FMO2: variants seen among roughly 807,000 people sequenced by gnomAD.
FMO2 encodes flavin-containing monooxygenase 2.
FMO2 carries 33 observed loss-of-function variants against 41.6 expected under a neutral mutation model. The ratio of observed to expected loss-of-function variants is 0.79; its 90% CI spans 0.60 to 1.06. The LOEUF (loss-of-function observed/expected upper bound fraction) is 1.06. FMO2 is among the 50% of genes least tolerant of loss of function. The pLI, the probability that FMO2 is intolerant of heterozygous loss-of-function variation, is 0.00. For synonymous variants in FMO2, 214 were observed against 219.6 expected (o/e 0.97, Z 0.23); for missense variants, 619 against 632.9 (o/e 0.98, Z 0.23).
At chr1:171,199,271 C>G (rs367895504) in intron 4 of FMO2, 75 bp from the exon 5 acceptor site, 2 of 1,340,924 alleles carry the variant, frequency 1.5e-6, no homozygotes, top group Admixed American at 4.9e-5. Flanking sequence ...GAAAAGCTGG[C>G]AATGCAGTTT....
At chr1:171,206,969 T>A in intron 7 of FMO2, among the ~76,000 whole-genome samples, 1 of 152,162 alleles carries the variant, frequency 6.6e-6, no homozygotes, top group East Asian at 1.9e-4. Flanking sequence ...TAGGAGGACT[T>A]ACAGATCTCT....
At chr1:171,199,528 A>C (rs774283895) in intron 5 of FMO2, 40 bp downstream of exon 5, 7 of 1,553,638 alleles carry the variant, frequency 4.5e-6, no homozygotes, top group Non-Finnish European at 6.1e-6. Flanking sequence ...GGAGGGGAGG[A>C]AGTGGGGATG....
Position 171,204,075 on chromosome 1 carries a change from T to C in FMO2, c.827+11T>C, listed in dbSNP as rs771160126. ...TGAGCCTCAAAACAAGTAGAGTTAT[T>C]TTGCTTTTTTAATGGTATACTCGTT... is the stretch of plus-strand genomic sequence containing the variant. On this transcript the variant is annotated intron_variant, in intron 6 of 8. Transcript: ENST00000209929. 2.5e-6 allele frequency: 4 copies of C among 1,611,160 alleles called. No homozygotes were observed. The Admixed American group carries it at 6.7e-5, about 27-fold the overall frequency.
intron 7 of FMO2, among the ~76,000 whole-genome samples, chr1:171,206,432 T>C (rs1034506419): frequency 6.6e-6 from 1 of 152,158 alleles, no homozygotes; most frequent in African/African-American, 2.4e-5. Context: ...CTATTTGACA[T>C]TGCTAGAGCA....
At position 171,208,933 on chromosome 1, in the gene FMO2, G is replaced by T. The variant is rs368359446; in HGVS notation, c.1396G>T (p.Gly466Ter). The stretch of plus-strand genomic sequence containing the variant: ...TAAACTGGCTGTGAGACTCTATTTC[G>T]GACCCTGCAACTCCTATCAGTATCG... ...DPKLAVRLYF[G>*]PCNSYQYRLV... The change falls in exon 9 of 9, where the codon GGA (glycine) becomes TGA (stop). Residue 466 changes from glycine (G) to a stop codon, truncating the protein, a stop_gained. Coordinates refer to ENST00000209929, the MANE Select transcript of FMO2 (RefSeq NM_001460.5). LOFTEE classifies it low-confidence loss of function (END_TRUNC). The T allele has an allele frequency of 6.2e-7, 1 of 1,613,800 alleles. No individual in the cohort carries two copies. Among genetic ancestry groups the T allele is most frequent in the South Asian group, 1.1e-5 (1 of 91,044 alleles).
rs1658752570 is a variant in FMO2, at chr1:171,206,245, T to G, written c.1183+611T>G. On this transcript the variant is annotated intron_variant, in intron 7 of 8. Transcript: ENST00000209929. ...TTTCAACATAACATGACAAATGCTT[T>G]GATTGAATAATATATGGAGTGTTCA... 2.6e-5 allele frequency among the ~76,000 whole-genome samples: 4 copies of G among 152,276 alleles called. No homozygotes were observed. The South Asian group carries it at 8.3e-4, about 32-fold the overall frequency.
rs1658979317 is a variant in FMO2, at chr1:171,211,504, T to C, written c.*2359T>C. Among the ~76,000 whole-genome samples the C allele has an allele frequency of 6.7e-6, 1 of 149,766 alleles. No individual in the cohort carries two copies. Among genetic ancestry groups the C allele is most frequent in the Non-Finnish European group, 1.5e-5 (1 of 68,038 alleles). On this transcript the variant is annotated 3_prime_UTR_variant, in exon 9 of 9. Transcript: ENST00000209929. The stretch of plus-strand genomic sequence containing the variant: ...AAGAGATTGAAAAGCATTTGTCAGG[T>C]TAATGCTAAATCAGTGCGGAAATAT...
At chr1:171,196,906 G>A (rs1658333522) in intron 4 of FMO2, 95 bp downstream of exon 4, 1 of 1,041,000 alleles carries the variant, frequency 9.6e-7, no homozygotes, top group Non-Finnish European at 1.4e-6. Context: ...GCTGCAACTG[G>A]GCAGAACTTG....
intron 2 of FMO2, among the ~76,000 whole-genome samples, chr1:171,187,061 G>A (rs1453631810): frequency 6.6e-6 from 1 of 152,190 alleles, no homozygotes; most frequent in African/African-American, 2.4e-5. Context: ...GAAAGTGAGG[G>A]AGGTTAAGTG....
Position 171,211,933 on chromosome 1 carries a change from C to A in FMO2, c.*2788C>A, listed in dbSNP as rs16864199. On this transcript the variant is annotated 3_prime_UTR_variant, in exon 9 of 9. Transcript: ENST00000209929. ...TCCTGTGTACATTAAATCTAGAAAC[C>A]ATTAGTTTGAGATCTCTCAAAAATA... Among the ~76,000 whole-genome samples the A allele has an allele frequency of 0.014, 2,155 of 152,194 alleles. 58 individuals carry two copies. Among genetic ancestry groups the A allele is most frequent in the African/African-American group, 0.05 (2,092 of 41,524 alleles).
At chr1:171,201,781 C>G (rs1470721246) in intron 5 of FMO2, among the ~76,000 whole-genome samples, 1 of 152,168 alleles carries the variant, frequency 6.6e-6, no homozygotes, top group Admixed American at 6.6e-5. Context: ...AACTAACAAT[C>G]ATGACGGAAT....
Position 171,208,836 on chromosome 1 carries a change from T to C in FMO2, c.1299T>C (p.Val433=), listed in dbSNP as rs1245776684. The C allele has an allele frequency of 5.0e-6, 8 of 1,614,016 alleles. No homozygotes were observed. The highest frequency in any genetic ancestry group is 4.5e-5 in the East Asian group (2 of 44,874). ...SQSQTLQTNY[V]DYLDELALEI... is the part of the protein sequence containing the mutation. ...GCCAGACGTTGCAGACCAATTATGT[T>C]GACTACTTGGACGAGCTCGCCTTAG... Residue 433 remains valine (V), a synonymous_variant, in exon 9 of 9, where the codon GTT becomes GTC. Coordinates refer to ENST00000209929, the MANE Select transcript of FMO2 (RefSeq NM_001460.5).
chr1:171,208,940 G>A lies in FMO2; in HGVS notation c.1403G>A (p.Cys468Tyr). ...KLAVRLYFGPCNSYQYRLVGP... is the reference protein window; with the variant it reads ...KLAVRLYFGPYNSYQYRLVGP... ...GCTGTGAGACTCTATTTCGGACCCT[G>A]CAACTCCTATCAGTATCGCCTGGTT... The change falls in exon 9 of 9, where the codon TGC (cysteine) becomes TAC (tyrosine). Residue 468 changes from cysteine to tyrosine, a missense_variant. By Grantham distance (194) the Cys-to-Tyr change is radical. Coordinates refer to ENST00000209929, the MANE Select transcript of FMO2 (RefSeq NM_001460.5). 1 of 1,613,780 alleles carries A rather than the reference G, an allele frequency of 6.2e-7. No homozygotes were observed. The highest frequency in any genetic ancestry group is 1.1e-5 in the South Asian group (1 of 91,054).
intron 3 of FMO2, among the ~76,000 whole-genome samples, chr1:171,195,970 A>G (rs1377271569): frequency 6.6e-6 from 1 of 152,236 alleles, no homozygotes; most frequent in Admixed American, 6.5e-5. Context: ...CTTCTCTAAT[A>G]CAAAGTCCAC....
In FMO2 at chr1:171,195,691, T is replaced by C. The variant is rs181034032; in HGVS notation, c.322-958T>C. 2.5e-3 allele frequency among the ~76,000 whole-genome samples: 380 copies of C among 152,340 alleles called. 3 individuals carry two copies. The highest frequency in any genetic ancestry group is 8.6e-3 in the African/African-American group (357 of 41,582). On this transcript the variant is annotated intron_variant, in intron 3 of 8. Coordinates refer to ENST00000209929, the MANE Select transcript of FMO2 (RefSeq NM_001460.5). ...GCAAATGAGAAGCATGCCATTCCTC[T>C]AGCATTATAAACTTTGCTTCCACTT...
chr1:171,204,472 A>T (rs888850049), intron 6 of FMO2, among the ~76,000 whole-genome samples: 1 of 152,166 alleles, frequency 6.6e-6, no homozygotes, highest in Admixed American at 6.6e-5. Context: ...TTGAAAACAC[A>T]TTCCTTTTTC....
In FMO2 at chr1:171,209,636, T is replaced by TC. The variant is rs1658904367; in HGVS notation, c.*491_*492insC. ...TGCTCAGTCGGGGATCACTCAAAAC[T>TC]ACTAGACAAAAAAGTGAGAGGATAG... On this transcript the variant is annotated 3_prime_UTR_variant, in exon 9 of 9. Coordinates refer to ENST00000209929, the MANE Select transcript of FMO2 (RefSeq NM_001460.5). 1 of 152,262 alleles carries TC rather than the reference T, an allele frequency of 6.6e-6. No individual in the cohort carries two copies. Among genetic ancestry groups the TC allele is most frequent in the African/African-American group, 2.4e-5 (1 of 41,440 alleles). 9.4% of individuals were successfully genotyped at this position (152,262 alleles called of 1,614,324 possible).
chr1:171,204,078 GC>G lies in FMO2; in HGVS notation c.827+15del. ...GCCTCAAAACAAGTAGAGTTATTTT[GC>G]TTTTTTAATGGTATACTCGTTGGTG... On this transcript the variant is annotated intron_variant, in intron 6 of 8. Transcript: ENST00000209929. 2 of 1,609,058 alleles carry G rather than the reference GC, an allele frequency of 1.2e-6. No individual in the cohort carries two copies. The highest frequency in any genetic ancestry group is 8.5e-7 in the Non-Finnish European group (1 of 1,175,754).
At chr1:171,188,477 A>G (rs995083619) in intron 2 of FMO2, among the ~76,000 whole-genome samples, 5 of 152,174 alleles carry the variant, frequency 3.3e-5, no homozygotes, top group South Asian at 2.1e-4. Context: ...AATGTAAACT[A>G]TTGTCTCCAC....
Sources: gnomAD v4.1 joint callset for allele counts (sites outside exome capture counted in the v4.1 genomes callset) on GRCh38, gnomAD v4.1.1 for gene constraint, MANE v1.5 for transcripts, NCBI Gene and HGNC (gene_info 2026-07-23, HGNC 2026-07-21) for gene names.